STK3: variants seen among roughly 807,000 people sequenced by gnomAD.
The protein encoded by STK3 is serine/threonine kinase 3.
A neutral mutation model predicts 58.0 loss-of-function variants in STK3; 41 were observed. The ratio of observed to expected loss-of-function variants is 0.71; its 90% CI spans 0.55 to 0.92. STK3 has a LOEUF of 0.92. STK3 is among the 40% of genes least tolerant of loss of function. The pLI, the probability that STK3 is intolerant of heterozygous loss-of-function variation, is 0.00. For synonymous variants in STK3, 170 were observed against 191.0 expected, an observed-to-expected ratio of 0.89 and a Z score of 0.91; for missense variants, 479 against 602.7, an observed-to-expected ratio of 0.79 and a Z score of 2.15.
chr8:98,422,399 C>T (rs1399965753), intron 3 of STK3, among the ~76,000 whole-genome samples: 2 of 152,140 alleles, frequency 1.3e-5, no homozygotes, highest in African/African-American at 2.4e-5. Context: ...CATCTCCAGG[C>T]CTGCCTCCAT....
chr8:98,876,649 C>G (rs551162739), intron 3 of STK3, among the ~76,000 whole-genome samples: 209 of 152,204 alleles, frequency 1.4e-3, no homozygotes, highest in Non-Finnish European at 2.5e-3. Flanking sequence ...AGGAAAGTCT[C>G]TTGAGGCCAG....
At chr8:98,529,047 A>G (rs1477819433) in intron 9 of STK3, among the ~76,000 whole-genome samples, 1 of 152,218 alleles carries the variant, frequency 6.6e-6, no homozygotes, top group Non-Finnish European at 1.5e-5. Context: ...CATAACAGTT[A>G]TCTGACCAAC....
intron 3 of STK3, chr8:98,875,306 T>C (rs1837528075): frequency 6.6e-6 from 1 of 152,186 alleles, no homozygotes; most frequent in South Asian, 2.1e-4. Flanking sequence ...GTATCTTAGG[T>C]ACTGTGGCAA....
intron 6 of STK3, among the ~76,000 whole-genome samples, chr8:98,611,786 T>C (rs1345952937): frequency 6.6e-6 from 1 of 152,140 alleles, no homozygotes; most frequent in East Asian, 1.9e-4. Flanking sequence ...CCTAGGTTGG[T>C]TGGTTTTTAA....
chr8:98,827,645 G>GA (rs1835364567), upstream of STK3, among the ~76,000 whole-genome samples: 1 of 151,980 alleles, frequency 6.6e-6, no homozygotes, highest in African/African-American at 2.4e-5. Flanking sequence ...CTGAGAACAA[G>GA]AAAAAGGGTT....
At chr8:98,449,530 A>G (rs893744415) in intron 1 of STK3, among the ~76,000 whole-genome samples, 2 of 152,208 alleles carry the variant, frequency 1.3e-5, no homozygotes, top group African/African-American at 4.8e-5. Context: ...ATGAAACTTC[A>G]GTGAACCAAA....
At chr8:98,573,233 G>A (rs1208270129) in intron 8 of STK3, among the ~76,000 whole-genome samples, 1 of 152,164 alleles carries the variant, frequency 6.6e-6, no homozygotes, top group Non-Finnish European at 1.5e-5. Context: ...AGAAACTGTT[G>A]TATTAGTCCA....
At chr8:98,612,725 T>C (rs530557286) in intron 6 of STK3, among the ~76,000 whole-genome samples, 4 of 152,248 alleles carry the variant, frequency 2.6e-5, no homozygotes, top group Non-Finnish European at 5.9e-5. Context: ...CAAATTTCAC[T>C]CTATGTCAGC....
At chr8:98,641,219 TA>T (rs1398316526) in intron 6 of STK3, among the ~76,000 whole-genome samples, 5 of 152,212 alleles carry the variant, frequency 3.3e-5, no homozygotes, top group African/African-American at 1.2e-4. Context: ...TTAGCTCTTT[TA>T]TTTCCATTTT....
At chr8:98,751,412 G>C (rs1829975077) in intron 3 of STK3, among the ~76,000 whole-genome samples, 1 of 152,114 alleles carries the variant, frequency 6.6e-6, no homozygotes. Context: ...CAAAGTCTCA[G>C]GATACAAAAG....
At chr8:98,588,233 G>A (rs1465568644) in intron 7 of STK3, among the ~76,000 whole-genome samples, 1 of 152,186 alleles carries the variant, frequency 6.6e-6, no homozygotes, top group South Asian at 2.1e-4. Flanking sequence ...GCAGCGGCTG[G>A]TGCCGGTTGT....
upstream of STK3, among the ~76,000 whole-genome samples, chr8:98,388,740 C>G (rs1400613952): frequency 6.6e-6 from 1 of 152,134 alleles, no homozygotes; most frequent in Non-Finnish European, 1.5e-5. Flanking sequence ...GATCTTGAGT[C>G]AAACGTCAAA....
chr8:98,760,855 GAA>G (rs1830573812), intron 3 of STK3, among the ~76,000 whole-genome samples: 3 of 151,092 alleles, frequency 2.0e-5, no homozygotes, highest in Admixed American at 2.0e-4. Context: ...ACTCAAAATA[GAA>G]AGAGTATTAA....
At chr8:98,730,106 T>C (rs1318858290) in intron 4 of STK3, among the ~76,000 whole-genome samples, 2 of 152,206 alleles carry the variant, frequency 1.3e-5, no homozygotes, top group African/African-American at 4.8e-5. Context: ...ACCAAATGTC[T>C]GTCACTGGAG....
At chr8:98,439,345 T>C (rs1252232673) in intron 1 of STK3, 1 of 151,760 alleles carries the variant, frequency 6.6e-6, no homozygotes, top group African/African-American at 2.4e-5. Context: ...GCATCAAGAG[T>C]CAGGAGTTTC....
At chr8:98,531,210 T>C (rs10101919) in intron 9 of STK3, among the ~76,000 whole-genome samples, 60,783 of 152,138 alleles carry the variant, frequency 0.4, 12,383 homozygotes, top group East Asian at 0.53. Context: ...TCATTATTTA[T>C]GGCAGATATT....
chr8:98,568,977 A>G (rs1037155805), intron 8 of STK3, among the ~76,000 whole-genome samples: 2 of 152,164 alleles, frequency 1.3e-5, no homozygotes, highest in African/African-American at 4.8e-5. Flanking sequence ...GAATGGGGAA[A>G]AGATGTATAC....
At chr8:98,507,634 C>G (rs1477066128) in intron 10 of STK3, among the ~76,000 whole-genome samples, 1 of 152,130 alleles carries the variant, frequency 6.6e-6, no homozygotes, top group African/African-American at 2.4e-5. Context: ...AGAAGCCTAC[C>G]ATCTGGTGCA....
intron 6 of STK3, among the ~76,000 whole-genome samples, chr8:98,687,056 C>T (rs961148226): frequency 2.6e-5 from 4 of 152,128 alleles, no homozygotes; most frequent in South Asian, 2.1e-4. Flanking sequence ...GAGGGATCAA[C>T]ATGCAGATAC....
Sources: gnomAD v4.1 joint callset for allele counts (sites outside exome capture counted in the v4.1 genomes callset) on GRCh38, gnomAD v4.1.1 for gene constraint, MANE v1.5 for transcripts, NCBI Gene and HGNC (gene_info 2026-07-23, HGNC 2026-07-21) for gene names.